DIPK1B: variants seen among roughly 807,000 people sequenced by gnomAD.
The protein encoded by DIPK1B is divergent protein kinase domain 1B.
A neutral mutation model predicts 20.7 loss-of-function variants in DIPK1B; 17 were observed. The ratio of observed to expected loss-of-function variants is 0.82; its 90% CI spans 0.56 to 1.23. The LOEUF (loss-of-function observed/expected upper bound fraction) is 1.23. Among genes scored for constraint, DIPK1B ranks in the 50% most tolerant of loss-of-function variants. The probability of loss-of-function intolerance (pLI) is 0.00; values close to 1 mark genes in which losing one functional copy is unlikely to be tolerated. For synonymous variants in DIPK1B, 343 were observed against 276.5 expected, an observed-to-expected ratio of 1.24 and a Z score of -2.39; for missense variants, 648 against 601.8, an observed-to-expected ratio of 1.08 and a Z score of -0.80.
chr9:136,717,803 A>C (rs1312893071), intron 2 of DIPK1B, 92 bp downstream of exon 2: 1 of 1,569,648 alleles, frequency 6.4e-7, no homozygotes, highest in Non-Finnish European at 8.6e-7. Context: ...CTTCCTCCCC[A>C]GACCCAGGGC....
chr9:136,715,202 C>T (rs753828861), intron 1 of DIPK1B, among the ~76,000 whole-genome samples: 25 of 152,366 alleles, frequency 1.6e-4, no homozygotes, highest in Non-Finnish European at 2.6e-4. Flanking sequence ...GGCCCTTCAC[C>T]CTTCAGCTGC....
chr9:136,723,497 G>T lies in DIPK1B; in HGVS notation c.1019G>T (p.Cys340Phe). The change falls in exon 5 of 5, where the codon TGC becomes TTC. Residue 340 changes from cysteine (C) to phenylalanine (F), a missense_variant. By Grantham distance (205) the Cys-to-Phe change is radical. Transcript: ENST00000371692. ...QGRRCEHSTDCTYGRDCRAPC... is the reference protein window; with the variant it reads ...QGRRCEHSTDFTYGRDCRAPC... ...CGCCGCTGCGAGCACAGCACCGACT[G>T]CACCTACGGGCGCGACTGCAGGGCC... The T allele has an allele frequency of 3.1e-6, 5 of 1,607,148 alleles. No homozygotes were observed. The highest frequency in any genetic ancestry group is 4.2e-6 in the Non-Finnish European group (5 of 1,177,080).
chr9:136,717,773 G>C (rs1846521449), intron 2 of DIPK1B, 62 bp downstream of exon 2: 20 of 1,599,212 alleles, frequency 1.3e-5, no homozygotes, highest in Non-Finnish European at 1.7e-5. Context: ...AGATGCTGGG[G>C]CACCAGGCCC....
At position 136,712,794 on chromosome 9, in the gene DIPK1B, G is replaced by C. The variant is rs2131038017; in HGVS notation, c.63+66G>C. Reference sequence around the variant, plus strand: ...CTGGGGAGGCCGAGCTCCAGCCCCGGAGTGGGCCGAGTACGGAGCGGGGCC... The same window carrying C: ...CTGGGGAGGCCGAGCTCCAGCCCCGCAGTGGGCCGAGTACGGAGCGGGGCC... On this transcript the variant is annotated intron_variant, in intron 1 of 4. Transcript: ENST00000371692. This position sits in a 1 kb window ranked among gnomAD's most constrained non-coding sequence, Gnocchi z 5.6. 1 of 1,152,554 alleles carries C rather than the reference G, an allele frequency of 8.7e-7. No homozygotes were observed. Among genetic ancestry groups the C allele is most frequent in the South Asian group, 2.8e-5 (1 of 35,920 alleles). The allele number at this position is 1,152,554 out of a possible 1,614,324, so 71.4% of individuals were successfully genotyped here. A position where few individuals can be genotyped will look rare whatever the true frequency, so the allele number is the denominator to read the frequency against.
chr9:136,717,655 G>A lies in DIPK1B; in HGVS notation c.142G>A (p.Val48Met), dbSNP rs1255018431. ...CTTTGCAGGCAGCTGGCTGGTGTAC[G>A]TGCACTACTCGTCCTACTCGGAGCG... is the stretch of plus-strand genomic sequence containing the variant. Reference protein sequence around the residue: ...GVFAGSWLVYVHYSSYSERCR... With the variant: ...GVFAGSWLVYMHYSSYSERCR... The change falls in exon 2 of 5, where the codon GTG becomes ATG. Residue 48 changes from valine to methionine, a missense_variant. By Grantham distance (21) the Val-to-Met change is conservative. Coordinates refer to ENST00000371692, the MANE Select transcript of DIPK1B (RefSeq NM_152421.4). The A allele has an allele frequency of 1.8e-5, 29 of 1,608,776 alleles. No individual in the cohort carries two copies. Among genetic ancestry groups the A allele is most frequent in the South Asian group, 3.3e-5 (3 of 91,090 alleles).
chr9:136,713,987 C>T (rs1846461728), intron 1 of DIPK1B, among the ~76,000 whole-genome samples: 1 of 152,246 alleles, frequency 6.6e-6, no homozygotes, highest in South Asian at 2.1e-4. Context: ...AGCTGGTCCC[C>T]ACCTGCCCCT....
At chr9:136,717,166 T>G (rs1419223967) in intron 1 of DIPK1B, among the ~76,000 whole-genome samples, 5 of 151,590 alleles carry the variant, frequency 3.3e-5, no homozygotes, top group African/African-American at 1.2e-4. Context: ...GAGGCAGAGG[T>G]TGCAGTGAGC....
Position 136,717,709 on chromosome 9 carries a change from A to G in DIPK1B, c.196A>G (p.Ile66Val), listed in dbSNP as rs200640066. 4.3e-6 allele frequency: 7 copies of G among 1,611,132 alleles called. No homozygotes were observed. In the East Asian group the frequency reaches 1.6e-4, roughly 36 times the overall value. The change falls in exon 2 of 5, where the codon ATT becomes GTT. Residue 66 changes from isoleucine to valine, a missense_variant and splice_region_variant. By Grantham distance (29) the Ile-to-Val change is conservative. Transcript: ENST00000371692. Reference sequence around the variant, plus strand: ...TCGCGGCCATGTCTGCCAGGTGGTCATTGTAAGTGTTGCTTGTGCGGGCTG... The same window carrying G: ...TCGCGGCCATGTCTGCCAGGTGGTCGTTGTAAGTGTTGCTTGTGCGGGCTG... ...RCRGHVCQVV[I>V]CDQYRKGIIS... is the part of the protein sequence containing the mutation.
intron 1 of DIPK1B, 77 bp from the exon 2 acceptor site, chr9:136,717,500 T>C: frequency 1.3e-6 from 2 of 1,524,560 alleles, no homozygotes; most frequent in Admixed American, 1.9e-5. Context: ...AGGCCCTTCC[T>C]GTGGGAAGTG....
chr9:136,718,631 T>C (rs1846539621), intron 2 of DIPK1B, among the ~76,000 whole-genome samples: 1 of 152,154 alleles, frequency 6.6e-6, no homozygotes, highest in Admixed American at 6.5e-5. Flanking sequence ...TCCACTCCCC[T>C]TGGGGTCAGG....
At chr9:136,717,083 G>T (rs1032441237) in intron 1 of DIPK1B, among the ~76,000 whole-genome samples, 2 of 152,006 alleles carry the variant, frequency 1.3e-5, no homozygotes, top group Non-Finnish European at 2.9e-5. Context: ...ACAAAAATTA[G>T]CTGGTCGTGG....
intron 2 of DIPK1B, among the ~76,000 whole-genome samples, chr9:136,720,342 T>G (rs925893949): frequency 2.6e-5 from 4 of 152,224 alleles, no homozygotes; most frequent in Admixed American, 1.3e-4. Flanking sequence ...CCTTGGTGTG[T>G]GGGGGGCGGG....
At chr9:136,721,075 G>C (rs1846591855) in intron 2 of DIPK1B, 1 of 152,348 alleles carries the variant, frequency 6.6e-6, no homozygotes, top group Non-Finnish European at 1.5e-5. Flanking sequence ...GTGCAGAATG[G>C]CTGGCAGCCC....
At chr9:136,717,116 T>C (rs922938761) in intron 1 of DIPK1B, among the ~76,000 whole-genome samples, 4 of 151,692 alleles carry the variant, frequency 2.6e-5, no homozygotes, top group Non-Finnish European at 4.4e-5. Context: ...GTAGTCCCAG[T>C]TACTCGGGAG....
In DIPK1B at chr9:136,723,096, CCTG is replaced by C. The variant is rs746012649; in HGVS notation, c.628_630del (p.Leu210del). ...GGGCCCTGCTGCAGCGTAACGAGTTCCTGCTGCTGCTGTCCCTGCAGGAGAAGG... is the reference window on the plus strand; with the variant it reads ...GGGCCCTGCTGCAGCGTAACGAGTTCCTGCTGCTGTCCCTGCAGGAGAAGG... On this transcript the variant is annotated inframe_deletion, in exon 5 of 5. Transcript: ENST00000371692. 1.2e-6 allele frequency: 2 copies of C among 1,613,602 alleles called. No homozygotes were observed. The highest frequency in any genetic ancestry group is 1.7e-6 in the Non-Finnish European group (2 of 1,180,036).
intron 2 of DIPK1B, among the ~76,000 whole-genome samples, chr9:136,720,579 C>T (rs534411527): frequency 4.8e-4 from 73 of 152,294 alleles, no homozygotes; most frequent in Admixed American, 3.5e-3. Context: ...TGAGGAGGGG[C>T]GGCAGCCAGC....
At chr9:136,714,588 T>C (rs1391581257) in intron 1 of DIPK1B, among the ~76,000 whole-genome samples, 1 of 152,194 alleles carries the variant, frequency 6.6e-6, no homozygotes, top group East Asian at 1.9e-4. Flanking sequence ...GACGGAGCCA[T>C]CCGACCTTAT....
In DIPK1B at chr9:136,714,034, C is replaced by G. The variant is rs1370876943; in HGVS notation, c.63+1306C>G. On this transcript the variant is annotated intron_variant, in intron 1 of 4. Transcript: ENST00000371692. Reference sequence around the variant, plus strand: ...GCCCAGGTCCTGGATGGTGGGGCCACCTCCACACTCAAGCTTTGCCCGTCC... The same window carrying G: ...GCCCAGGTCCTGGATGGTGGGGCCAGCTCCACACTCAAGCTTTGCCCGTCC... 2.0e-5 allele frequency among the ~76,000 whole-genome samples: 3 copies of G among 152,216 alleles called. No homozygotes were observed. The East Asian group carries it at 5.8e-4, about 29-fold the overall frequency.
Position 136,722,204 on chromosome 9 carries a change from C to G in DIPK1B, c.386C>G (p.Ser129Trp). ...IEETLDSKAR[S>W]DAAPRRELVL... ...GAGACCCTCGACTCCAAGGCCCGGT[C>G]GGATGCGGCCCCCCGGCGGGAGCTG... The change falls in exon 4 of 5, where the codon TCG becomes TGG. Residue 129 changes from serine (S) to tryptophan (W), a missense_variant. Physicochemically the swap from Ser to Trp is radical, Grantham distance 177 (BLOSUM62 -3). Transcript: ENST00000371692. 1 of 1,614,012 alleles carries G rather than the reference C, an allele frequency of 6.2e-7. No individual in the cohort carries two copies. The highest frequency in any genetic ancestry group is 1.7e-4 in the Middle Eastern group (1 of 6,060).
Sources: allele counts gnomAD v4.1 joint callset (sites outside exome capture counted in the v4.1 genomes callset), GRCh38; gene constraint gnomAD v4.1.1; non-coding constraint Gnocchi (gnomAD v3.1); transcripts MANE v1.5; gene names NCBI Gene and HGNC (gene_info 2026-07-23, HGNC 2026-07-21).